The following PPP2R2C variants were observed in gnomAD, a reference collection of about 807,000 sequenced individuals.
PPP2R2C encodes protein phosphatase 2 regulatory subunit Bgamma, also known as protein phosphatase 2, regulatory subunit B, gamma.
PPP2R2C carries 10 observed loss-of-function variants against 45.3 expected under a neutral mutation model. That is an observed-to-expected ratio of 0.22 (90% CI 0.14 to 0.37). PPP2R2C has a LOEUF of 0.37. Ranked by LOEUF, PPP2R2C falls within the 10% of genes least tolerant of loss-of-function variation. PPP2R2C has a pLI of 1.00. For missense variants in PPP2R2C, 308 were observed against 619.7 expected (o/e 0.50, Z 5.34); for synonymous variants, 257 against 245.4 (o/e 1.05, Z -0.44).
At position 6,524,355 on chromosome 4, in the gene PPP2R2C, G is replaced by A. The variant is rs762830816; in HGVS notation, c.49+10916C>T. ...ACTGTCCAGAACAGGCAGATTCACC[G>A]CAACAGAAAGTGGACTCATGGTTGC... On this transcript the variant is annotated intron_variant, in intron 2 of 9. Transcript: ENST00000506140. Among the ~76,000 whole-genome samples, 8 of 152,324 alleles carry A rather than the reference G, an allele frequency of 5.3e-5. No homozygotes were observed. The East Asian group carries it at 5.8e-4, about 11-fold the overall frequency.
At chr4:6,480,048 G>A (rs1722295720) in intron 2 of PPP2R2C, among the ~76,000 whole-genome samples, 1 of 151,974 alleles carries the variant, frequency 6.6e-6, no homozygotes, top group African/African-American at 2.4e-5. Flanking sequence ...TGAGACCACA[G>A]AGATATGGCT....
intron 1 of PPP2R2C, among the ~76,000 whole-genome samples, chr4:6,553,637 C>A (rs1725260669): frequency 6.6e-6 from 1 of 152,214 alleles, no homozygotes; most frequent in African/African-American, 2.4e-5. Flanking sequence ...CGATAGGCAC[C>A]TTGCCTGTGC....
chr4:6,459,092 A>C (rs1234071304), intron 1 of PPP2R2C, among the ~76,000 whole-genome samples: 3 of 152,198 alleles, frequency 2.0e-5, no homozygotes, highest in African/African-American at 7.2e-5. Context: ...TAATGGCTTC[A>C]AGCAGAAACC....
intron 6 of PPP2R2C, among the ~76,000 whole-genome samples, chr4:6,346,960 G>C (rs955063460): frequency 2.0e-5 from 3 of 152,198 alleles, no homozygotes; most frequent in Non-Finnish European, 4.4e-5. Context: ...CTGCCTGGGG[G>C]ACACCCCACC....
chr4:6,539,435 G>A lies in PPP2R2C; in HGVS notation c.-58-4058C>T, dbSNP rs551055925. On this transcript the variant is annotated intron_variant, in intron 1 of 9. Transcript: ENST00000506140. The stretch of plus-strand genomic sequence containing the variant: ...GCCAGTCTGTGGACTTTGCTCTGGC[G>A]GCCACAGGGCACTCACACATGTATT... Among the ~76,000 whole-genome samples, 60 of 152,244 alleles carry A rather than the reference G, an allele frequency of 3.9e-4. No individual in the cohort carries two copies. In the East Asian group the frequency reaches 0.01, roughly 26 times the overall value.
At chr4:6,518,384 T>G (rs1723896708) in intron 2 of PPP2R2C, among the ~76,000 whole-genome samples, 1 of 151,990 alleles carries the variant, frequency 6.6e-6, no homozygotes, top group African/African-American at 2.4e-5. Flanking sequence ...AAAAGATCGA[T>G]AAAATTAATA....
At chr4:6,448,621 C>T (rs554896584) in intron 1 of PPP2R2C, among the ~76,000 whole-genome samples, 4 of 152,180 alleles carry the variant, frequency 2.6e-5, no homozygotes, top group Admixed American at 1.3e-4. Context: ...CCACTGCTGC[C>T]ACACCCTGGA....
chr4:6,454,355 A>G (rs1482143060), intron 1 of PPP2R2C, among the ~76,000 whole-genome samples: 1 of 152,282 alleles, frequency 6.6e-6, no homozygotes, highest in East Asian at 1.9e-4. Context: ...TGAAGGTGAC[A>G]CAATTGACAC....
At chr4:6,326,739 A>G (rs1731975200) in intron 8 of PPP2R2C, among the ~76,000 whole-genome samples, 1 of 152,172 alleles carries the variant, frequency 6.6e-6, no homozygotes, top group South Asian at 2.1e-4. Context: ...TGGACCAGAG[A>G]CTGAGAGAGT....
At chr4:6,387,351 A>G (rs1001538654) in intron 1 of PPP2R2C, among the ~76,000 whole-genome samples, 7 of 152,352 alleles carry the variant, frequency 4.6e-5, no homozygotes, top group South Asian at 2.1e-4. Flanking sequence ...AAAATGTTAA[A>G]GCAGCTAGAA....
intron 2 of PPP2R2C, among the ~76,000 whole-genome samples, chr4:6,521,740 G>A (rs962683917): frequency 6.6e-6 from 1 of 152,158 alleles, no homozygotes; most frequent in Non-Finnish European, 1.5e-5. Context: ...ACTCTCCCTT[G>A]CCACACACTG....
intron 5 of PPP2R2C, chr4:6,348,835 T>C: frequency 3.1e-6 from 2 of 653,890 alleles, no homozygotes; most frequent in Non-Finnish European, 3.8e-6. Context: ...CTGAAGCCAT[T>C]CCCCCCAGAC....
At chr4:6,441,577 G>A (rs1303162553) in intron 1 of PPP2R2C, among the ~76,000 whole-genome samples, 6 of 152,192 alleles carry the variant, frequency 3.9e-5, no homozygotes, top group Non-Finnish European at 2.9e-5. Flanking sequence ...CCTGGCGGAT[G>A]GTTCCAGCAT....
chr4:6,552,650 C>T (rs1725222620), intron 1 of PPP2R2C, among the ~76,000 whole-genome samples: 1 of 152,098 alleles, frequency 6.6e-6, no homozygotes, highest in South Asian at 2.1e-4. Flanking sequence ...CCAGATAATC[C>T]AGGTCAACCT....
At chr4:6,416,782 G>A (rs1718612588) in intron 1 of PPP2R2C, among the ~76,000 whole-genome samples, 1 of 152,228 alleles carries the variant, frequency 6.6e-6, no homozygotes, top group Admixed American at 6.5e-5. Context: ...GGGACCATCT[G>A]GCAGGGCTGG....
At chr4:6,343,931 A>G (rs1447921930) in intron 6 of PPP2R2C, among the ~76,000 whole-genome samples, 1 of 152,226 alleles carries the variant, frequency 6.6e-6, no homozygotes, top group Non-Finnish European at 1.5e-5. Context: ...TGTGTGTGCA[A>G]AAAGCATACA....
At chr4:6,351,107 C>T in intron 5 of PPP2R2C, 1 of 796,482 alleles carries the variant, frequency 1.3e-6, no homozygotes, top group Non-Finnish European at 1.5e-6. Context: ...GAGTTCGAGA[C>T]CAGCCTGACC....
chr4:6,350,007 C>T lies in PPP2R2C; in HGVS notation c.626-1997G>A, dbSNP rs56391553. ...AAGCACCTAAAAGGGTCTCTGTGCT[C>T]GTGCTCAAATCTTGCTTCCCGGAAG... On this transcript the variant is annotated intron_variant, in intron 5 of 8. Coordinates refer to ENST00000382599, the MANE Select transcript of PPP2R2C (RefSeq NM_020416.4). The T allele has an allele frequency of 9.4e-4, 929 of 985,348 alleles. 8 individuals are homozygous for T. In the African/African-American group the frequency reaches 0.014, roughly 15 times the overall value. The allele number at this position is 985,348 out of a possible 1,614,324, so 61.0% of individuals were successfully genotyped here.
intron 3 of PPP2R2C, among the ~76,000 whole-genome samples, 194 bp from the exon 4 acceptor site, chr4:6,376,125 G>A (rs561834058): frequency 2.0e-5 from 3 of 152,300 alleles, no homozygotes; most frequent in East Asian, 1.9e-4. Flanking sequence ...ATTTCGGAAC[G>A]GCCAGCCTCC....
Sources: allele counts gnomAD v4.1 joint callset (sites outside exome capture counted in the v4.1 genomes callset), GRCh38; gene constraint gnomAD v4.1.1; transcripts MANE v1.5; gene names NCBI Gene and HGNC (gene_info 2026-07-23, HGNC 2026-07-21).